PXDNL: variants seen among roughly 807,000 people sequenced by gnomAD.
PXDNL encodes peroxidasin like.
A neutral mutation model predicts 150.8 loss-of-function variants in PXDNL; 145 were observed. That is an observed-to-expected ratio of 0.96 (90% CI 0.84 to 1.10). The LOEUF (loss-of-function observed/expected upper bound fraction) is 1.10, where lower values mean the gene tolerates loss of function less well. Ranked by LOEUF, PXDNL falls within the 50% of genes least tolerant of loss-of-function variation. The pLI is 0.00. For missense variants in PXDNL, 2,087 were observed against 1,873.9 expected, an observed-to-expected ratio of 1.11 and a Z score of -2.10; for synonymous variants, 757 against 725.7, an observed-to-expected ratio of 1.04 and a Z score of -0.69.
intron 20 of PXDNL, among the ~76,000 whole-genome samples, chr8:51,343,324 G>A (rs949169724): frequency 3.3e-5 from 5 of 152,076 alleles, no homozygotes; most frequent in African/African-American, 1.2e-4. Flanking sequence ...AACAACTATG[G>A]TACATTTAAG....
At chr8:51,401,258 GA>G (rs905399988) in intron 17 of PXDNL, among the ~76,000 whole-genome samples, 2 of 151,820 alleles carry the variant, frequency 1.3e-5, no homozygotes, top group South Asian at 2.1e-4. Flanking sequence ...GTATTGTTTA[GA>G]AAAAAAATGT....
In PXDNL at chr8:51,469,034, T is replaced by C. The variant is rs926648101; in HGVS notation, c.812+3153A>G. On this transcript the variant is annotated intron_variant, in intron 8 of 22. Transcript: ENST00000356297. Reference sequence around the variant, plus strand: ...CTCCTACTTACTGAAACACAACCACTTGAAGCTCTTTCAGCAAATACTCCT... The same window carrying C: ...CTCCTACTTACTGAAACACAACCACCTGAAGCTCTTTCAGCAAATACTCCT... Among the ~76,000 whole-genome samples the C allele has an allele frequency of 4.3e-4, 65 of 152,158 alleles. 1 individual carries two copies. The highest frequency in any genetic ancestry group is 1.5e-3 in the African/African-American group (63 of 41,576).
intron 19 of PXDNL, among the ~76,000 whole-genome samples, chr8:51,369,591 C>A (rs1193719075): frequency 6.6e-6 from 1 of 151,502 alleles, no homozygotes; most frequent in African/African-American, 2.4e-5. Flanking sequence ...CTACATCAGG[C>A]ATATTCATAT....
At chr8:51,425,992 T>C (rs1809089734) in intron 13 of PXDNL, among the ~76,000 whole-genome samples, 1 of 152,204 alleles carries the variant, frequency 6.6e-6, no homozygotes, top group African/African-American at 2.4e-5. Context: ...AACAGTTTTG[T>C]AACCTTTCAC....
intron 4 of PXDNL, among the ~76,000 whole-genome samples, chr8:51,511,385 C>T (rs1220068155): frequency 1.3e-5 from 2 of 152,162 alleles, no homozygotes; most frequent in East Asian, 3.9e-4. Context: ...AGAGTTAATA[C>T]AGCATACAAT....
rs59195880 is a variant in PXDNL at position 51,608,836 on chromosome 8, C to CAAAAAAAA, written c.237-16146_237-16139dup. ...TAGGTGACAGAGCAAGACTCTGTCT[C>CAAAAAAAA]AAAAAAAAAAAAAAAAAAAAAAAGA... is the stretch of plus-strand genomic sequence containing the variant. On this transcript the variant is annotated intron_variant, in intron 2 of 22. Transcript: ENST00000356297. 1.5e-3 allele frequency among the ~76,000 whole-genome samples: 87 copies of CAAAAAAAA among 59,494 alleles called. 2 individuals carry two copies. Among genetic ancestry groups the CAAAAAAAA allele is most frequent in the African/African-American group, 2.2e-3 (38 of 17,468 alleles). The allele number at this position is 59,494 out of a possible 152,430, so 39.0% of individuals were successfully genotyped here. A position where few individuals can be genotyped will look rare whatever the true frequency, so the allele number is the denominator to read the frequency against.
At chr8:51,623,247 TG>T (rs1814292666) in intron 2 of PXDNL, among the ~76,000 whole-genome samples, 2 of 152,184 alleles carry the variant, frequency 1.3e-5, no homozygotes, top group South Asian at 4.1e-4. Context: ...AGCAGCACTC[TG>T]GGCCCCAGCT....
At chr8:51,411,474 C>T (rs1808647314) in intron 15 of PXDNL, 67 bp from the exon 16 acceptor site, 2 of 1,389,936 alleles carry the variant, frequency 1.4e-6, no homozygotes, top group Non-Finnish European at 1.9e-6. Flanking sequence ...CTTGCAAATA[C>T]TGTGCATTTA....
intron 4 of PXDNL, among the ~76,000 whole-genome samples, chr8:51,506,384 T>C (rs979862804): frequency 6.6e-6 from 1 of 151,420 alleles, no homozygotes; most frequent in Non-Finnish European, 1.5e-5. Context: ...CTACTAAAAA[T>C]ACAAAAATTA....
At chr8:51,509,798 GTA>G (rs79867926) in intron 4 of PXDNL, among the ~76,000 whole-genome samples, 1 of 146,082 alleles carries the variant, frequency 6.8e-6, no homozygotes, top group Non-Finnish European at 1.5e-5. Flanking sequence ...ACACGTATAT[GTA>G]TATATATACA....
chr8:51,670,235 T>TCA (rs34322879), intron 1 of PXDNL, among the ~76,000 whole-genome samples: 81,455 of 150,638 alleles, frequency 0.54, 26,203 homozygotes, highest in Non-Finnish European at 0.7. Flanking sequence ...AAATTCCGTC[T>TCA]CACACACACA....
At chr8:51,553,350 G>A (rs1223659606) in intron 4 of PXDNL, among the ~76,000 whole-genome samples, 2 of 152,168 alleles carry the variant, frequency 1.3e-5, no homozygotes, top group Non-Finnish European at 2.9e-5. Context: ...TGTCTGCAAT[G>A]GCTTTGCTCC....
chr8:51,484,467 C>A (rs899820240), intron 5 of PXDNL, among the ~76,000 whole-genome samples: 4 of 148,634 alleles, frequency 2.7e-5, no homozygotes, highest in East Asian at 3.9e-4. Context: ...CAATATATGA[C>A]AACAGATGCC....
chr8:51,491,322 A>G (rs1054185688), intron 5 of PXDNL, among the ~76,000 whole-genome samples: 1 of 152,188 alleles, frequency 6.6e-6, no homozygotes, highest in Non-Finnish European at 1.5e-5. Context: ...CTAGACAATT[A>G]TGATGGCAAC....
chr8:51,515,533 CA>C (rs1275296815), intron 4 of PXDNL, among the ~76,000 whole-genome samples: 2 of 152,204 alleles, frequency 1.3e-5, no homozygotes, highest in Non-Finnish European at 2.9e-5. Context: ...CTGTCCATGG[CA>C]AAAGTCCTTG....
chr8:51,327,922 C>A (rs1183845977), intron 21 of PXDNL, among the ~76,000 whole-genome samples: 1 of 152,192 alleles, frequency 6.6e-6, no homozygotes. Flanking sequence ...ATCTGCTTAC[C>A]TGGGACAGAC....
At chr8:51,413,000 A>T in intron 15 of PXDNL, 150 bp downstream of exon 15, 1 of 587,712 alleles carries the variant, frequency 1.7e-6, no homozygotes, top group South Asian at 2.2e-5. Flanking sequence ...TGAACTGATA[A>T]TGATGGCTAG....
chr8:51,520,140 G>A (rs111569013), intron 4 of PXDNL, among the ~76,000 whole-genome samples: 8 of 152,066 alleles, frequency 5.3e-5, no homozygotes, highest in Non-Finnish European at 7.4e-5. Context: ...CCTCCCACGC[G>A]GCAGGGAAAG....
intron 4 of PXDNL, among the ~76,000 whole-genome samples, chr8:51,531,547 G>T (rs1178858170): frequency 1.3e-5 from 2 of 152,206 alleles, no homozygotes; most frequent in South Asian, 4.1e-4. Flanking sequence ...TCCCCAGGGA[G>T]AAGGTAGGTG....
Sources: allele counts gnomAD v4.1 joint callset (sites outside exome capture counted in the v4.1 genomes callset), GRCh38; gene constraint gnomAD v4.1.1; transcripts MANE v1.5; gene names NCBI Gene and HGNC (gene_info 2026-07-23, HGNC 2026-07-21).